ZNF518A: variants seen among roughly 807,000 people sequenced by gnomAD.
The protein encoded by ZNF518A is zinc finger protein 518.
In ZNF518A, 47 loss-of-function variants were observed where a neutral mutation model predicts 102.7. The observed-to-expected ratio is 0.46, with a 90% confidence interval of 0.36 to 0.58. The LOEUF is 0.58. Among genes scored for constraint, ZNF518A ranks in the 20% least tolerant of loss-of-function variants. The pLI is 0.00. For missense variants in ZNF518A, 1,793 were observed against 1,699.8 expected (o/e 1.05, Z -0.96); for synonymous variants, 652 against 594.6 (o/e 1.10, Z -1.40).
chr10:96,193,719 G>A (rs2083386714), intron 1 of ZNF518A, among the ~76,000 whole-genome samples: 1 of 152,200 alleles, frequency 6.6e-6, no homozygotes, highest in African/African-American at 2.4e-5. Flanking sequence ...AAAGCAGACA[G>A]TTGTCAAAAC....
intron 3 of ZNF518A, among the ~76,000 whole-genome samples, chr10:96,152,990 G>A (rs190695937): frequency 1.3e-5 from 2 of 152,202 alleles, no homozygotes. Context: ...GTAAGAGGTT[G>A]TCTGCAAACT....
chr10:96,189,698 A>AATCATC (rs150495829), intron 1 of ZNF518A: 24,505 of 655,230 alleles, frequency 0.037, 870 homozygotes, highest in East Asian at 0.17. Context: ...TCATCATCAA[A>AATCATC]ATCATCATCA....
intron 3 of ZNF518A, among the ~76,000 whole-genome samples, chr10:96,142,306 G>T (rs1220798421): frequency 1.2e-5 from 1 of 85,660 alleles, no homozygotes; most frequent in Non-Finnish European, 2.3e-5. Flanking sequence ...TATTCTTAGG[G>T]TGTGTGTGTG....
At position 96,160,803 on chromosome 10, in the gene ZNF518A, G is replaced by A. The variant is rs781947260; in HGVS notation, c.*29G>A. The A allele has an allele frequency of 6.7e-7, 1 of 1,491,784 alleles. No individual in the cohort carries two copies. The highest frequency in any genetic ancestry group is 8.9e-7 in the Non-Finnish European group (1 of 1,124,528). The allele number at this position is 1,491,784 out of a possible 1,614,324, so 92.4% of individuals were successfully genotyped here. A position where few individuals can be genotyped will look rare whatever the true frequency, so the allele number is the denominator to read the frequency against. ...ACCATAATTACCAAGGAAAAGAAAA[G>A]TAAAATTACCTTAGAAGAAAACAAC... On this transcript the variant is annotated 3_prime_UTR_variant, in exon 6 of 6. Coordinates refer to ENST00000316045, the MANE Select transcript of ZNF518A (RefSeq NM_001330736.2).
intron 1 of ZNF518A, among the ~76,000 whole-genome samples, chr10:96,186,914 A>G (rs2083275145): frequency 6.6e-6 from 1 of 152,222 alleles, no homozygotes; most frequent in African/African-American, 2.4e-5. Context: ...ATCTTGATGC[A>G]TCAAAGGTTA....
Position 96,153,336 on chromosome 10 carries a change from C to T in ZNF518A, c.-301-1990C>T, listed in dbSNP as rs12780236. Among the ~76,000 whole-genome samples, 518 of 152,344 alleles carry T rather than the reference C, an allele frequency of 3.4e-3. 3 individuals are homozygous for T. Among genetic ancestry groups the T allele is most frequent in the Admixed American group, 6.3e-3 (96 of 15,306 alleles). On this transcript the variant is annotated intron_variant, in intron 3 of 5. Coordinates refer to ENST00000316045, the MANE Select transcript of ZNF518A (RefSeq NM_001330736.2). ...ACTCACATCCTGGTCTCTGGAAACA[C>T]CCTCACAGACAAACCCAGAAGTAAT... is the stretch of plus-strand genomic sequence containing the variant.
chr10:96,175,387 C>T (rs1438853409), intron 1 of ZNF518A, among the ~76,000 whole-genome samples: 2 of 152,106 alleles, frequency 1.3e-5, no homozygotes, highest in African/African-American at 4.8e-5. Context: ...GTAATCTGGT[C>T]CCAAAACCTC....
In ZNF518A at chr10:96,158,328, C is replaced by T; in HGVS notation, c.2006C>T (p.Ser669Phe). 6.2e-7 allele frequency: 1 copy of T among 1,613,696 alleles called. No homozygotes were observed. The highest frequency in any genetic ancestry group is 8.5e-7 in the Non-Finnish European group (1 of 1,179,732). Residue 669 changes from serine (S) to phenylalanine (F), a missense_variant, in exon 6 of 6, where the codon TCC (serine) becomes TTC (phenylalanine). Ser to Phe is a radical substitution (Grantham distance 155). This residue lies in a region of ZNF518A where 1,741 missense variants were observed against 1,622.6 expected (regional missense o/e 1.07). Coordinates refer to ENST00000316045, the MANE Select transcript of ZNF518A (RefSeq NM_001330736.2). ...GAAAACCCTCAAAGAGAATCTTCAT[C>T]CAGCAAAACAGTTGTCCAACAACCA... ...VYENPQRESSSSKTVVQQPIS... is the reference protein window; with the variant it reads ...VYENPQRESSFSKTVVQQPIS...
intron 3 of ZNF518A, among the ~76,000 whole-genome samples, chr10:96,150,769 CAG>C (rs1220959931): frequency 2.6e-4 from 1 of 3,898 alleles, no homozygotes; most frequent in Non-Finnish European, 8.5e-4. Context: ...TTTTTGGAGA[CAG>C]AGTCTCACTC....
chr10:96,151,981 A>G (rs1455512343), intron 3 of ZNF518A, among the ~76,000 whole-genome samples: 1 of 152,208 alleles, frequency 6.6e-6, no homozygotes, highest in East Asian at 1.9e-4. Flanking sequence ...GTAATAATAC[A>G]TATATAGAAG....
chr10:96,159,725 A>G lies in ZNF518A; in HGVS notation c.3403A>G (p.Lys1135Glu). 6.2e-7 allele frequency: 1 copy of G among 1,613,282 alleles called. No homozygotes were observed. Among genetic ancestry groups the G allele is most frequent in the Non-Finnish European group, 8.5e-7 (1 of 1,179,786 alleles). The change falls in exon 6 of 6, where the codon AAA becomes GAA. Residue 1135 changes from lysine (K) to glutamate (E), a missense_variant. Lys to Glu is a moderately conservative substitution (Grantham distance 56). Transcript: ENST00000316045. ...TACTTATCAAAATATACAGCCAAAG[A>G]AACCTGAAGGAACACCACAAAGAAT... ...NSTYQNIQPKKPEGTPQRILL... is the reference protein window; with the variant it reads ...NSTYQNIQPKEPEGTPQRILL...
chr10:96,145,064 T>TTTGTTA, intron 3 of ZNF518A, among the ~76,000 whole-genome samples: 1 of 150,768 alleles, frequency 6.6e-6, no homozygotes, highest in African/African-American at 2.4e-5. Context: ...ACATGTATGT[T>TTTGTTA]TTGTTGTTGT....
At chr10:96,148,501 A>G (rs1432488179) in intron 3 of ZNF518A, among the ~76,000 whole-genome samples, 1 of 151,738 alleles carries the variant, frequency 6.6e-6, no homozygotes, top group Non-Finnish European at 1.5e-5. Flanking sequence ...ACTTTTTTTG[A>G]TTTAATTGGT....
chr10:96,182,841 AG>A (rs1416609559), intron 1 of ZNF518A, among the ~76,000 whole-genome samples: 1 of 152,170 alleles, frequency 6.6e-6, no homozygotes, highest in African/African-American at 2.4e-5. Flanking sequence ...CCTTATAAAA[AG>A]TGTTAGGGAG....
At position 96,160,057 on chromosome 10, in the gene ZNF518A, C is replaced by T. The variant is rs2082927132; in HGVS notation, c.3735C>T (p.Phe1245=). 3.1e-6 allele frequency: 5 copies of T among 1,608,656 alleles called. No individual in the cohort carries two copies. The highest frequency in any genetic ancestry group is 4.2e-6 in the Non-Finnish European group (5 of 1,178,630). The change falls in exon 6 of 6, where the codon TTC becomes TTT. Residue 1245 remains phenylalanine, a synonymous_variant. Coordinates refer to ENST00000316045, the MANE Select transcript of ZNF518A (RefSeq NM_001330736.2). ...CAAATTGTAGAATTGAGAGGAACTTCAATAGAAAAAAGACTTCCAAAAAAA... is the reference window on the plus strand; with the variant it reads ...CAAATTGTAGAATTGAGAGGAACTTTAATAGAAAAAAGACTTCCAAAAAAA... ...CKTNCRIERN[F]NRKKTSKKIF... is the part of the protein sequence containing the mutation.
Position 96,189,893 on chromosome 10 carries a change from T to G in ZNF518A, n.36-13681T>G. 3 of 1,053,998 alleles carry G rather than the reference T, an allele frequency of 2.8e-6. No homozygotes were observed. In the East Asian group the frequency reaches 7.1e-5, roughly 25 times the overall value. 65.3% of individuals were successfully genotyped at this position (1,053,998 alleles called of 1,614,324 possible). ...AGCTACTAAATGCTGTCCACTAATA[T>G]GCACTGGCCCTGAACCACACTTCAA... On this transcript the variant is annotated intron_variant and non_coding_transcript_variant, in intron 1 of 2. Coordinates refer to the ZNF518A transcript ENST00000442635.
At chr10:96,204,428 TTTACCTAG>T, downstream of ZNF518A, 3 of 1,297,086 alleles carry the variant, frequency 2.3e-6, no homozygotes, top group Non-Finnish European at 3.4e-6. Context: ...ATGTTGGATT[TTTACCTAG>T]CACTGCAAGT....
intron 3 of ZNF518A, among the ~76,000 whole-genome samples, chr10:96,144,177 G>T (rs113051038): frequency 6.6e-6 from 1 of 151,922 alleles, no homozygotes; most frequent in African/African-American, 2.4e-5. Context: ...GTAGAAATGG[G>T]GTTTCGCCAT....
chr10:96,204,364 C>T (rs2083739899), downstream of ZNF518A: 9 of 819,224 alleles, frequency 1.1e-5, no homozygotes, highest in Middle Eastern at 2.3e-4. Flanking sequence ...CAACTCTACA[C>T]AGTTATTTTA....
Sources: gnomAD v4.1 joint callset for allele counts (sites outside exome capture counted in the v4.1 genomes callset) on GRCh38, gnomAD v4.1.1 for gene constraint, gnomAD v4.1.1 regional missense constraint, MANE v1.5 for transcripts, NCBI Gene and HGNC (gene_info 2026-07-23, HGNC 2026-07-21) for gene names.